ZNF710: variants seen among roughly 807,000 people sequenced by gnomAD.
ZNF710 encodes zinc finger protein 710.
Under a neutral mutation model 50.6 loss-of-function variants are expected in ZNF710, and 13 were observed. The ratio of observed to expected loss-of-function variants is 0.26; its 90% CI spans 0.17 to 0.41. The LOEUF is 0.41. Among genes scored for constraint, ZNF710 ranks in the 10% least tolerant of loss-of-function variants. ZNF710 has a pLI of 1.00. For missense variants in ZNF710, 721 were observed against 936.6 expected, an observed-to-expected ratio of 0.77 and a Z score of 3.01; for synonymous variants, 383 against 397.0, an observed-to-expected ratio of 0.96 and a Z score of 0.42.
At position 90,080,295 on chromosome 15, in the gene ZNF710, T is replaced by C. The variant is rs1900690699; in HGVS notation, c.*466T>C. ...CCCTCTGGCCAGTACTGCCCACCTC[T>C]ACCTTGTCCAGGCCCCCTTCCCCGC... is the stretch of plus-strand genomic sequence containing the variant. On this transcript the variant is annotated 3_prime_UTR_variant, in exon 5 of 5. Transcript: ENST00000268154. The C allele has an allele frequency of 6.5e-6, 1 of 154,470 alleles. No homozygotes were observed. Among genetic ancestry groups the C allele is most frequent in the South Asian group, 2.0e-4 (1 of 4,996 alleles). The allele number at this position is 154,470 out of a possible 1,614,324, so 9.6% of individuals were successfully genotyped here.
At position 90,030,350 on chromosome 15, in the gene ZNF710, A is replaced by AAAAG. The variant is rs1219096659; in HGVS notation, c.-29+28743_-29+28746dup. ...ATCTCAAAAAAAAAAAAAAAAAAAA[A>AAAAG]AAAGAAAGAATTAGCTATCAGCTCC... On this transcript the variant is annotated intron_variant, in intron 1 of 4. Transcript: ENST00000268154. 3.8e-4 allele frequency among the ~76,000 whole-genome samples: 57 copies of AAAAG among 150,744 alleles called. No individual in the cohort carries two copies. In the East Asian group the frequency reaches 5.9e-3, roughly 16 times the overall value.
chr15:90,067,072 T>G lies in ZNF710; in HGVS notation c.-28-38T>G. On this transcript the variant is annotated intron_variant, in intron 1 of 4. Transcript: ENST00000268154. This position sits in a 1 kb window ranked among gnomAD's most constrained non-coding sequence, Gnocchi z 8.1. Reference sequence around the variant, plus strand: ...TGTCTGTTGTCTGTCTGTGCAGGAGTGAGCCAGCAATATTAACCTTCCCTT... The same window carrying G: ...TGTCTGTTGTCTGTCTGTGCAGGAGGGAGCCAGCAATATTAACCTTCCCTT... The G allele has an allele frequency of 2.6e-6, 4 of 1,527,320 alleles. No homozygotes were observed. In the South Asian group the frequency reaches 5.1e-5, roughly 20 times the overall value. 94.6% of individuals were successfully genotyped at this position (1,527,320 alleles called of 1,614,324 possible). A position where few individuals can be genotyped will look rare whatever the true frequency, so the allele number is the denominator to read the frequency against.
chr15:90,067,994 T>A lies in ZNF710; in HGVS notation c.857T>A (p.Val286Glu). 6.2e-7 allele frequency: 1 copy of A among 1,614,092 alleles called. No individual in the cohort carries two copies. Among genetic ancestry groups the A allele is most frequent in the Non-Finnish European group, 8.5e-7 (1 of 1,180,018 alleles). Residue 286 changes from valine to glutamate, a missense_variant, in exon 2 of 5, where the codon GTG becomes GAG. Around this residue, in one of 3 missense-constraint regions of ZNF710, gnomAD observed 326 missense variants for 522.0 expected, o/e 0.62. Transcript: ENST00000268154. This position sits in a 1 kb window ranked among gnomAD's most constrained non-coding sequence, Gnocchi z 8.1. ...GTGCAGATTGACGACTCCTATCTGGTGGAGGCGGGCGACCGCCAGAAGCGC... is the reference window on the plus strand; with the variant it reads ...GTGCAGATTGACGACTCCTATCTGGAGGAGGCGGGCGACCGCCAGAAGCGC... ...INVQIDDSYL[V>E]EAGDRQKRWQ...
At position 90,015,741 on chromosome 15, in the gene ZNF710, G is replaced by A. The variant is rs575409356; in HGVS notation, c.-29+14127G>A. On this transcript the variant is annotated intron_variant, in intron 1 of 4. Transcript: ENST00000268154. ...TTCCCAAGTATCTGGGAACACAGGC[G>A]CATGCCCGTAAATACTGAGAAAACC... 1.9e-4 allele frequency among the ~76,000 whole-genome samples: 29 copies of A among 152,018 alleles called. No homozygotes were observed. In the East Asian group the frequency reaches 5.4e-3, roughly 28 times the overall value.
chr15:90,065,051 C>A (rs932873554), intron 1 of ZNF710, among the ~76,000 whole-genome samples: 1 of 152,162 alleles, frequency 6.6e-6, no homozygotes, highest in South Asian at 2.1e-4. Flanking sequence ...TTAGCCCCTG[C>A]GGCCTATTCC....
intron 2 of ZNF710, among the ~76,000 whole-genome samples, chr15:90,071,261 TAA>T (rs5814409): frequency 9.8e-4 from 140 of 142,140 alleles, no homozygotes; most frequent in Middle Eastern, 7.2e-3. Flanking sequence ...GACTCTGTCT[TAA>T]AAAAAAAAAA....
chr15:90,052,360 A>G (rs1340451926), intron 1 of ZNF710, among the ~76,000 whole-genome samples: 1 of 152,180 alleles, frequency 6.6e-6, no homozygotes, highest in African/African-American at 2.4e-5. Flanking sequence ...CATTTTCTGC[A>G]GTCAATCTCC....
At chr15:90,060,943 A>G (rs1367293720) in intron 1 of ZNF710, among the ~76,000 whole-genome samples, 1 of 152,224 alleles carries the variant, frequency 6.6e-6, no homozygotes, top group East Asian at 1.9e-4. Context: ...TTCAAGGCCA[A>G]GATGAGGAGC....
In ZNF710 at chr15:90,074,122, G is replaced by A. The variant is rs1315758279; in HGVS notation, c.1657G>A (p.Gly553Arg). Reference protein sequence around the residue: ...PVKPFKCKVCGKSFNRMYNLL... With the variant: ...PVKPFKCKVCRKSFNRMYNLL... ...CCGGGTTGATGTGTTCTAGGTGTGC[G>A]GGAAGTCCTTCAACCGCATGTACAA... Residue 553 changes from glycine (G) to arginine (R), a missense_variant, in exon 4 of 5, where the codon GGG (glycine) becomes AGG (arginine). Physicochemically the swap from Gly to Arg is moderately radical, Grantham distance 125 (BLOSUM62 -2). Coordinates refer to ENST00000268154, the MANE Select transcript of ZNF710 (RefSeq NM_198526.4). 5.6e-6 allele frequency: 9 copies of A among 1,613,106 alleles called. No individual in the cohort carries two copies. The highest frequency in any genetic ancestry group is 2.2e-5 in the East Asian group (1 of 44,878).
intron 1 of ZNF710, among the ~76,000 whole-genome samples, chr15:90,054,653 G>C (rs1899754688): frequency 1.3e-5 from 2 of 152,252 alleles, no homozygotes; most frequent in South Asian, 4.1e-4. Context: ...CAAGCGCAGT[G>C]AATGGTCCTA....
At position 90,014,225 on chromosome 15, in the gene ZNF710, G is replaced by A. The variant is rs74543493; in HGVS notation, c.-29+12611G>A. 1.3e-3 allele frequency among the ~76,000 whole-genome samples: 198 copies of A among 152,260 alleles called. 2 individuals are homozygous for A. In the East Asian group the frequency reaches 0.027, roughly 21 times the overall value. On this transcript the variant is annotated intron_variant, in intron 1 of 4. Coordinates refer to ENST00000268154, the MANE Select transcript of ZNF710 (RefSeq NM_198526.4). ...TAAGACACTGACATCCGATGCAGCT[G>A]TGTGGCTGTCAGTCACAGTACCATG...
chr15:90,000,548 C>T (rs1897985908), upstream of ZNF710, among the ~76,000 whole-genome samples: 1 of 152,198 alleles, frequency 6.6e-6, no homozygotes, highest in African/African-American at 2.4e-5. Context: ...CCCTGAGCCC[C>T]TTCTCCACCC....
At chr15:90,015,681 G>T (rs998874073) in intron 1 of ZNF710, among the ~76,000 whole-genome samples, 2 of 149,836 alleles carry the variant, frequency 1.3e-5, no homozygotes, top group South Asian at 4.2e-4. Flanking sequence ...CTGCAGCCTC[G>T]ACCTCCCAGG....
In ZNF710 at chr15:90,067,931, G is replaced by A. The variant is rs559176665; in HGVS notation, c.794G>A (p.Arg265His). 18 of 1,613,662 alleles carry A rather than the reference G, an allele frequency of 1.1e-5. No homozygotes were observed. Among genetic ancestry groups the A allele is most frequent in the East Asian group, 2.2e-5 (1 of 44,884 alleles). Residue 265 changes from arginine (R) to histidine (H), a missense_variant, in exon 2 of 5, where the codon CGC becomes CAC. This residue lies in a region of ZNF710 where 326 missense variants were observed against 522.0 expected (regional missense o/e 0.62). Transcript: ENST00000268154. This position sits in a 1 kb window ranked among gnomAD's most constrained non-coding sequence, Gnocchi z 8.1. ...EADTAGSTVE[R>H]HKKAQLDRLD... is the part of the protein sequence containing the mutation. Reference sequence around the variant, plus strand: ...GACACGGCGGGTTCGACCGTGGAACGCCACAAGAAGGCCCAGCTGGATCGG... The same window carrying A: ...GACACGGCGGGTTCGACCGTGGAACACCACAAGAAGGCCCAGCTGGATCGG...
chr15:90,042,569 C>T (rs1421889199), intron 1 of ZNF710, among the ~76,000 whole-genome samples: 1 of 152,164 alleles, frequency 6.6e-6, no homozygotes, highest in African/African-American at 2.4e-5. Flanking sequence ...CATTATCTAG[C>T]GTTTGGATGA....
chr15:90,007,725 T>A (rs1041499747), intron 1 of ZNF710, among the ~76,000 whole-genome samples: 19 of 151,238 alleles, frequency 1.3e-4, no homozygotes, highest in African/African-American at 4.4e-4. Context: ...CCAGAGTCGC[T>A]GGTTGCAAAG....
rs1339286406 is a variant in ZNF710 at position 90,040,343 on chromosome 15, G to A, written c.-28-26767G>A. Among the ~76,000 whole-genome samples the A allele has an allele frequency of 3.3e-5, 5 of 152,194 alleles. No individual in the cohort carries two copies. In the East Asian group the frequency reaches 5.8e-4, roughly 18 times the overall value. On this transcript the variant is annotated intron_variant, in intron 1 of 4. Coordinates refer to ENST00000268154, the MANE Select transcript of ZNF710 (RefSeq NM_198526.4). The surrounding 1 kb of genome is among the most constrained non-coding windows in gnomAD (Gnocchi z 4.6). The stretch of plus-strand genomic sequence containing the variant: ...TCCAGGGAGGTGTCCTTAGTGCTCC[G>A]GATGGGGTTGTTAAAGCCACATGTG...
At chr15:90,008,465 T>TATATATATATATATATATACAC (rs1567218501) in intron 1 of ZNF710, among the ~76,000 whole-genome samples, 1 of 137,266 alleles carries the variant, frequency 7.3e-6, no homozygotes, top group African/African-American at 3.2e-5. Context: ...TATATATATA[T>TATATATATATATATATATACAC]ACATGAAGTA....
chr15:90,058,721 A>ATATATATATATATATATATATGTATG (rs1567236953), intron 1 of ZNF710, among the ~76,000 whole-genome samples: 28 of 144,636 alleles, frequency 1.9e-4, no homozygotes, highest in African/African-American at 8.1e-4. Context: ...ATATATATAC[A>ATATATATATATATATATATATGTATG]CACATATACA....
Sources: allele counts gnomAD v4.1 joint callset (sites outside exome capture counted in the v4.1 genomes callset), GRCh38; gene constraint gnomAD v4.1.1; regional missense constraint gnomAD v4.1.1; non-coding constraint Gnocchi (gnomAD v3.1); transcripts MANE v1.5; gene names NCBI Gene and HGNC (gene_info 2026-07-23, HGNC 2026-07-21).